Variants in ZSWIM4 observed in about 807,000 individuals in gnomAD.
The protein encoded by ZSWIM4 is zinc finger SWIM domain-containing protein 4.
A neutral mutation model predicts 102.5 loss-of-function variants in ZSWIM4; 62 were observed. The ratio of observed to expected loss-of-function variants is 0.60; its 90% CI spans 0.49 to 0.75. The LOEUF (loss-of-function observed/expected upper bound fraction) is 0.75, where lower values mean the gene tolerates loss of function less well. Ranked by LOEUF, ZSWIM4 falls within the 30% of genes least tolerant of loss-of-function variation. ZSWIM4 has a pLI of 0.00. For synonymous variants in ZSWIM4, 652 were observed against 674.5 expected (o/e 0.97, Z 0.52); for missense variants, 1,280 against 1,529.6 (o/e 0.84, Z 2.72).
intron 13 of ZSWIM4, 38 bp downstream of exon 13, chr19:13,828,764 G>A: frequency 6.3e-7 from 1 of 1,595,398 alleles, no homozygotes; most frequent in Non-Finnish European, 8.6e-7. Flanking sequence ...CCACTTCGCT[G>A]TTCTGGTTCT....
chr19:13,818,873 T>C (rs1475246392), intron 9 of ZSWIM4, among the ~76,000 whole-genome samples: 4 of 147,326 alleles, frequency 2.7e-5, no homozygotes, highest in Non-Finnish European at 4.5e-5. Flanking sequence ...CTCCTCTTTT[T>C]TTTTTTTTGA....
chr19:13,797,501 T>C (rs1974642237), intron 1 of ZSWIM4, among the ~76,000 whole-genome samples: 1 of 152,224 alleles, frequency 6.6e-6, no homozygotes, highest in African/African-American at 2.4e-5. Flanking sequence ...AGGTTCATGA[T>C]TTAGTATCAA....
At position 13,809,226 on chromosome 19, in the gene ZSWIM4, G is replaced by A; in HGVS notation, c.1012+6G>A. On this transcript the variant is annotated splice_donor_region_variant and intron_variant, in intron 5 of 13. Transcript: ENST00000590508. This position sits in a 1 kb window ranked among gnomAD's most constrained non-coding sequence, Gnocchi z 4.2. The stretch of plus-strand genomic sequence containing the variant: ...GCAGCTCTGGGATGAGCTGGGTGAG[G>A]CCCAAACCCCGGTGCGTGGTGGACA... The A allele has an allele frequency of 6.3e-7, 1 of 1,594,866 alleles. No homozygotes were observed. Among genetic ancestry groups the A allele is most frequent in the Non-Finnish European group, 8.5e-7 (1 of 1,170,314 alleles).
rs1465063601 is a variant in ZSWIM4, at chr19:13,825,518, C to T, written c.2216-32C>T. The T allele has an allele frequency of 3.1e-6, 5 of 1,605,466 alleles. No homozygotes were observed. Among genetic ancestry groups the T allele is most frequent in the South Asian group, 2.2e-5 (2 of 90,294 alleles). On this transcript the variant is annotated intron_variant, in intron 11 of 13. Transcript: ENST00000590508. The surrounding 1 kb of genome is among the most constrained non-coding windows in gnomAD (Gnocchi z 4.6). Reference sequence around the variant, plus strand: ...TCAGAGGCTGGTGCTGAGGTGTATCCGATGGTGTCCTCTGTCCCGCCCTTC... The same window carrying T: ...TCAGAGGCTGGTGCTGAGGTGTATCTGATGGTGTCCTCTGTCCCGCCCTTC...
chr19:13,813,614 GA>G (rs1037707894), intron 6 of ZSWIM4, among the ~76,000 whole-genome samples: 214 of 150,552 alleles, frequency 1.4e-3, no homozygotes, highest in African/African-American at 3.8e-3. Context: ...AGGAGAGAGG[GA>G]AAAAAAAATT....
chr19:13,804,931 T>C lies in ZSWIM4; in HGVS notation c.495T>C (p.Cys165=). 1 of 1,613,516 alleles carries C rather than the reference T, an allele frequency of 6.2e-7. No homozygotes were observed. The highest frequency in any genetic ancestry group is 1.1e-5 in the South Asian group (1 of 91,086). The change falls in exon 3 of 14, where the codon TGT becomes TGC. Residue 165 remains cysteine, a synonymous_variant. Transcript: ENST00000590508. The part of the protein sequence containing the change: ...CGCDNRDLFY[C]AHVVALSLYR... ...GTGACAACCGCGACCTCTTCTACTG[T>C]GCCCACGTGGTGGCCCTGTCCCTGT...
intron 12 of ZSWIM4, among the ~76,000 whole-genome samples, chr19:13,826,365 G>C (rs996361582): frequency 6.6e-6 from 1 of 152,084 alleles, no homozygotes; most frequent in Admixed American, 6.5e-5. Context: ...TGGGGGCAGG[G>C]CCTGAAGAGG....
chr19:13,821,523 C>T (rs905375599), intron 10 of ZSWIM4, among the ~76,000 whole-genome samples: 1 of 152,094 alleles, frequency 6.6e-6, no homozygotes. Flanking sequence ...CCAGCCTGGG[C>T]AACAGAGCAA....
chr19:13,804,892 C>T lies in ZSWIM4; in HGVS notation c.456C>T (p.Ser152=), dbSNP rs771968751. The change falls in exon 3 of 14, where the codon TCC becomes TCT. Residue 152 remains serine (S), a synonymous_variant. Coordinates refer to ENST00000590508, the MANE Select transcript of ZSWIM4 (RefSeq NM_001367834.3). The part of the protein sequence containing the change: ...SISFDRCKIT[S]VSCGCDNRDL... ...GCTTTGATCGCTGCAAGATCACGTC[C>T]GTGAGCTGCGGCTGTGACAACCGCG... The T allele has an allele frequency of 3.5e-5, 57 of 1,613,528 alleles. No homozygotes were observed. The highest frequency in any genetic ancestry group is 8.9e-5 in the East Asian group (4 of 44,896).
chr19:13,818,107 C>G, intron 9 of ZSWIM4, 131 bp downstream of exon 9: 1 of 1,370,430 alleles, frequency 7.3e-7, no homozygotes. Flanking sequence ...CCTGGTGATA[C>G]TGTCCCCTCA....
intron 3 of ZSWIM4, among the ~76,000 whole-genome samples, chr19:13,805,832 G>C (rs551684936): frequency 6.6e-6 from 1 of 151,564 alleles, no homozygotes; most frequent in East Asian, 2.0e-4. Context: ...TTAGCCGGGC[G>C]TGGTGGTGGG....
At position 13,830,877 on chromosome 19, in the gene ZSWIM4, C is replaced by A; in HGVS notation, c.3148C>A (p.His1050Asn). ...CACCACCAGCCACTCGCGCCTCACG[C>A]ACATCAGCCCGCGGCACTATGGGGA... is the stretch of plus-strand genomic sequence containing the variant. ...YITTSHSRLT[H>N]ISPRHYGDFI... The change falls in exon 14 of 14, where the codon CAC (histidine) becomes AAC (asparagine). Residue 1050 changes from histidine (H) to asparagine (N), a missense_variant. Transcript: ENST00000590508. The A allele has an allele frequency of 6.2e-7, 1 of 1,614,134 alleles. No homozygotes were observed. The highest frequency in any genetic ancestry group is 8.5e-7 in the Non-Finnish European group (1 of 1,179,982).
chr19:13,825,690 A>G lies in ZSWIM4; in HGVS notation c.2356A>G (p.Ile786Val). The change falls in exon 12 of 14, where the codon ATC (isoleucine) becomes GTC (valine). Residue 786 changes from isoleucine (I) to valine (V), a missense_variant. Ile to Val is a conservative substitution (Grantham distance 29). Coordinates refer to ENST00000590508, the MANE Select transcript of ZSWIM4 (RefSeq NM_001367834.3). The surrounding 1 kb of genome is among the most constrained non-coding windows in gnomAD (Gnocchi z 4.6). ...SAPPDTTLLG[I>V]ALELGLQVMR... ...CCCACCAGACACCACGCTGCTGGGC[A>G]TCGCACTGGAGCTGGGGCTGCAGGT... 1.2e-6 allele frequency: 2 copies of G among 1,611,256 alleles called. No homozygotes were observed. The highest frequency in any genetic ancestry group is 1.6e-4 in the Middle Eastern group (1 of 6,062).
At chr19:13,815,777 A>G (rs1249443311) in intron 7 of ZSWIM4, among the ~76,000 whole-genome samples, 1 of 151,686 alleles carries the variant, frequency 6.6e-6, no homozygotes, top group East Asian at 1.9e-4. Flanking sequence ...GCCTACTGAA[A>G]ATATTTTTAA....
At position 13,805,004 on chromosome 19, in the gene ZSWIM4, G is replaced by T; in HGVS notation, c.568G>T (p.Glu190Ter). The T allele has an allele frequency of 6.2e-7, 1 of 1,612,402 alleles. No individual in the cohort carries two copies. The highest frequency in any genetic ancestry group is 8.5e-7 in the Non-Finnish European group (1 of 1,180,028). Residue 190 changes from glutamate to a stop codon, truncating the protein, a stop_gained, in exon 3 of 14, where the codon GAG (glutamate) becomes TAG (stop). Coordinates refer to ENST00000590508, the MANE Select transcript of ZSWIM4 (RefSeq NM_001367834.3). LOFTEE classifies it high-confidence loss of function. Reference protein sequence around the residue: ...HQVELRLPISETLSQMNRDQL... With the variant: ...HQVELRLPIS ...GGTGGAGCTGCGGCTGCCCATCTCC[G>T]AGACGCTCTCCCAGATGAACCGGGA...
chr19:13,821,100 A>T (rs1326207940), intron 10 of ZSWIM4, among the ~76,000 whole-genome samples: 3 of 152,096 alleles, frequency 2.0e-5, no homozygotes, highest in Non-Finnish European at 4.4e-5. Context: ...CCTGGCCAAC[A>T]TAGTGAAAAC....
chr19:13,830,142 TG>T (rs765701545), intron 13 of ZSWIM4, 48 bp from the exon 14 acceptor site: 1 of 1,574,852 alleles, frequency 6.3e-7, no homozygotes, highest in Non-Finnish European at 8.6e-7. Flanking sequence ...TACATGTACG[TG>T]TGTCTGCCCC....
At chr19:13,820,837 T>C (rs116560942) in intron 10 of ZSWIM4, among the ~76,000 whole-genome samples, 1,513 of 151,216 alleles carry the variant, frequency 0.01, 21 homozygotes, top group African/African-American at 0.035. Flanking sequence ...CGTGAATCAC[T>C]GCGTAGCCTT....
chr19:13,812,559 G>A (rs1388638512), intron 5 of ZSWIM4, among the ~76,000 whole-genome samples: 5 of 150,126 alleles, frequency 3.3e-5, no homozygotes, highest in African/African-American at 7.4e-5. Flanking sequence ...TCCCGGGTTC[G>A]AGCCATTCTC....
Sources: allele counts gnomAD v4.1 joint callset (sites outside exome capture counted in the v4.1 genomes callset), GRCh38; gene constraint gnomAD v4.1.1; non-coding constraint Gnocchi (gnomAD v3.1); transcripts MANE v1.5; gene names NCBI Gene and HGNC (gene_info 2026-07-23, HGNC 2026-07-21).